Variants in ESCO1 observed in about 807,000 individuals in gnomAD.
The protein encoded by ESCO1 is N-acetyltransferase ESCO1.
Under a neutral mutation model 83.5 loss-of-function variants are expected in ESCO1, and 33 were observed. The observed-to-expected ratio is 0.40, with a 90% CI of 0.30 to 0.53. The LOEUF (loss-of-function observed/expected upper bound fraction) is 0.53. Ranked by LOEUF, ESCO1 falls within the 20% of genes least tolerant of loss-of-function variation. The pLI is 0.63. For synonymous variants in ESCO1, 332 were observed against 324.3 expected (o/e 1.02, Z -0.25); for missense variants, 855 against 968.0 (o/e 0.88, Z 1.55).
chr18:21,581,098 T>C (rs1361777522), intron 2 of ESCO1, among the ~76,000 whole-genome samples: 1 of 151,986 alleles, frequency 6.6e-6, no homozygotes, highest in East Asian at 1.9e-4. Context: ...CATCACGAGG[T>C]CAGGAGATAA....
rs759149778 is a variant in ESCO1, at chr18:21,573,614, T to C, written c.1230A>G (p.Gln410=). ...NSVQHNKLDS[Q]VSPKLGLLRT... is the part of the protein sequence containing the mutation. ...GTAATAAGCCTAATTTAGGGGAAAC[T>C]TGAGAGTCCAACTTATTGTGCTGCA... The change falls in exon 4 of 12, where the codon CAA becomes CAG. Residue 410 remains glutamine, a synonymous_variant. Transcript: ENST00000269214. The C allele has an allele frequency of 8.7e-6, 14 of 1,614,162 alleles. No individual in the cohort carries two copies. The East Asian group carries it at 2.0e-4, about 23-fold the overall frequency.
chr18:21,591,717 A>AG (rs2038672408), intron 1 of ESCO1, among the ~76,000 whole-genome samples: 1 of 147,568 alleles, frequency 6.8e-6, no homozygotes, highest in Admixed American at 6.8e-5. Flanking sequence ...TTTCTCACAG[A>AG]GGGGGATTTG....
chr18:21,578,751 G>A (rs2146216130), intron 2 of ESCO1, among the ~76,000 whole-genome samples: 1 of 152,284 alleles, frequency 6.6e-6, no homozygotes. Context: ...AGGCTAGAAT[G>A]CAGTGGCACA....
Position 21,586,324 on chromosome 18 carries a change from T to C in ESCO1, c.-824-1884A>G, listed in dbSNP as rs373061681. Among the ~76,000 whole-genome samples the C allele has an allele frequency of 3.3e-4, 50 of 152,314 alleles. No individual in the cohort carries two copies. In the Middle Eastern group the frequency reaches 0.024, roughly 73 times the overall value. ...AGCTATTTCACTGAACATAATGTCT[T>C]CCAGTTTTATCCATGTTGCTGCAGA... is the stretch of plus-strand genomic sequence containing the variant. On this transcript the variant is annotated intron_variant, in intron 1 of 11. Transcript: ENST00000269214.
At chr18:21,560,110 T>G (rs539703971) in intron 8 of ESCO1, among the ~76,000 whole-genome samples, 80 of 152,196 alleles carry the variant, frequency 5.3e-4, no homozygotes, top group African/African-American at 1.9e-3. Flanking sequence ...TGTACAGTAC[T>G]GAAGGTAACA....
chr18:21,543,795 A>C (rs2037936718), intron 8 of ESCO1, among the ~76,000 whole-genome samples: 1 of 152,254 alleles, frequency 6.6e-6, no homozygotes, highest in Admixed American at 6.5e-5. Flanking sequence ...CTTTGGGATT[A>C]AAAGATACTA....
intron 1 of ESCO1, among the ~76,000 whole-genome samples, chr18:21,596,437 C>T (rs972057969): frequency 6.6e-6 from 1 of 152,050 alleles, no homozygotes; most frequent in Non-Finnish European, 1.5e-5. Context: ...GTTTAAAGTT[C>T]TTAGAAAAGC....
At chr18:21,533,608 A>G (rs1391090651) in intron 10 of ESCO1, among the ~76,000 whole-genome samples, 1 of 152,204 alleles carries the variant, frequency 6.6e-6, no homozygotes, top group Non-Finnish European at 1.5e-5. Context: ...AACAGACAAC[A>G]CAGTTAAGAG....
At chr18:21,582,667 T>C (rs1598476132) in intron 2 of ESCO1, among the ~76,000 whole-genome samples, 1 of 152,244 alleles carries the variant, frequency 6.6e-6, no homozygotes, top group African/African-American at 2.4e-5. Context: ...CCAAAATATA[T>C]TTACAGGGAA....
chr18:21,548,411 C>T (rs1436734755), intron 8 of ESCO1, among the ~76,000 whole-genome samples: 1 of 152,072 alleles, frequency 6.6e-6, no homozygotes, highest in Non-Finnish European at 1.5e-5. Flanking sequence ...AAGAGGATCG[C>T]TTGAGCCTGA....
intron 8 of ESCO1, among the ~76,000 whole-genome samples, chr18:21,553,754 G>GTA (rs2038076319): frequency 6.6e-6 from 1 of 151,622 alleles, no homozygotes; most frequent in South Asian, 2.1e-4. Flanking sequence ...CTACTCGGGA[G>GTA]GCTGAGGCAG....
In ESCO1 at chr18:21,540,025, TATATATAC is replaced by T; in HGVS notation, c.1954-24_1954-17del. The stretch of plus-strand genomic sequence containing the variant: ...TCTTCCAGCCCTAGATATATATATA[TATATATAC>T]ACACATATGTAAAGTATGAATTTTA... On this transcript the variant is annotated splice_polypyrimidine_tract_variant and intron_variant, in intron 8 of 11. Coordinates refer to ENST00000269214, the MANE Select transcript of ESCO1 (RefSeq NM_052911.3). The T allele has an allele frequency of 6.5e-7, 1 of 1,549,276 alleles. No homozygotes were observed. The highest frequency in any genetic ancestry group is 8.8e-7 in the Non-Finnish European group (1 of 1,131,474).
At chr18:21,581,848 T>C (rs546416513) in intron 2 of ESCO1, among the ~76,000 whole-genome samples, 1 of 150,788 alleles carries the variant, frequency 6.6e-6, no homozygotes, top group African/African-American at 2.4e-5. Context: ...CAAGATTCCA[T>C]CTCAAAGAAA....
At chr18:21,554,677 A>AG (rs997078219) in intron 8 of ESCO1, among the ~76,000 whole-genome samples, 2 of 152,130 alleles carry the variant, frequency 1.3e-5, no homozygotes, top group African/African-American at 4.8e-5. Flanking sequence ...TGGGAGACGG[A>AG]GGGGGCAGAT....
chr18:21,557,604 T>C (rs1288876320), intron 8 of ESCO1, among the ~76,000 whole-genome samples: 1 of 152,150 alleles, frequency 6.6e-6, no homozygotes, highest in Admixed American at 6.6e-5. Flanking sequence ...GCCCTGAGAG[T>C]AGTGCTCTCC....
intron 2 of ESCO1, among the ~76,000 whole-genome samples, chr18:21,576,775 C>T (rs1475803822): frequency 6.6e-6 from 1 of 152,178 alleles, no homozygotes; most frequent in Non-Finnish European, 1.5e-5. Context: ...TGGCTCACAC[C>T]TGTAATCCCA....
chr18:21,579,771 GACACACACACACACGCGCGCGCGCACAC>G (rs1231661701), intron 2 of ESCO1, among the ~76,000 whole-genome samples: 8 of 117,798 alleles, frequency 6.8e-5, no homozygotes, highest in African/African-American at 2.7e-4. Flanking sequence ...GCGAGATTCT[GACACACACACACACGCGCGCGCGCACAC>G]ACACACACAC....
intron 4 of ESCO1, among the ~76,000 whole-genome samples, chr18:21,569,928 G>A (rs1361315302): frequency 6.6e-6 from 1 of 152,126 alleles, no homozygotes; most frequent in African/African-American, 2.4e-5. Flanking sequence ...TTAAGGGCAG[G>A]AAACCTATCC....
chr18:21,595,382 A>C (rs1241675876), intron 1 of ESCO1, among the ~76,000 whole-genome samples: 1 of 149,578 alleles, frequency 6.7e-6, no homozygotes, highest in Non-Finnish European at 1.5e-5. Context: ...AAAAAAAAAA[A>C]AAAAGGGGCC....
Sources: gnomAD v4.1 joint callset for allele counts (sites outside exome capture counted in the v4.1 genomes callset) on GRCh38, gnomAD v4.1.1 for gene constraint, MANE v1.5 for transcripts, NCBI Gene and HGNC (gene_info 2026-07-23, HGNC 2026-07-21) for gene names.